Variants in MACROD2 observed in about 807,000 individuals in gnomAD.
The protein encoded by MACROD2 is ADP-ribose glycohydrolase MACROD2.
Under a neutral mutation model 70.4 loss-of-function variants are expected in MACROD2, and 36 were observed. The observed-to-expected ratio is 0.51, with a 90% confidence interval of 0.39 to 0.68. The LOEUF is 0.68. Among genes scored for constraint, MACROD2 ranks in the 30% least tolerant of loss-of-function variants. MACROD2 has a pLI of 0.00. For synonymous variants in MACROD2, 172 were observed against 178.8 expected, an observed-to-expected ratio of 0.96 and a Z score of 0.30; for missense variants, 496 against 538.4, an observed-to-expected ratio of 0.92 and a Z score of 0.78.
At chr20:14,161,043 C>T (rs189749891) in intron 3 of MACROD2, among the ~76,000 whole-genome samples, 8 of 152,174 alleles carry the variant, frequency 5.3e-5, no homozygotes, top group Admixed American at 2.0e-4. Context: ...TCTTTATGTT[C>T]GTGCATACCC....
intron 6 of MACROD2, among the ~76,000 whole-genome samples, chr20:15,295,934 T>C (rs576254303): frequency 2.0e-5 from 3 of 152,290 alleles, no homozygotes; most frequent in South Asian, 2.1e-4. Context: ...CACTGCCACA[T>C]TGGCATTATC....
intron 3 of MACROD2, among the ~76,000 whole-genome samples, chr20:14,310,714 AC>A (rs2122516555): frequency 6.6e-6 from 1 of 152,310 alleles, no homozygotes; most frequent in African/African-American, 2.4e-5. Flanking sequence ...ATAGGAGATG[AC>A]AGCTTCATGC....
intron 3 of MACROD2, among the ~76,000 whole-genome samples, chr20:14,404,553 T>G (rs2083672708): frequency 6.6e-6 from 1 of 151,688 alleles, no homozygotes; most frequent in South Asian, 2.1e-4. Context: ...ACAGAGATCA[T>G]GTCATTGCAC....
At chr20:15,641,171 G>A (rs963354553) in intron 8 of MACROD2, among the ~76,000 whole-genome samples, 6 of 152,186 alleles carry the variant, frequency 3.9e-5, no homozygotes, top group African/African-American at 1.4e-4. Context: ...CTTCAGTTGC[G>A]AATCAAGGTC....
At chr20:14,486,632 C>G (rs1034233059) in intron 3 of MACROD2, among the ~76,000 whole-genome samples, 2 of 149,572 alleles carry the variant, frequency 1.3e-5, no homozygotes, top group African/African-American at 4.9e-5. Flanking sequence ...CAATCTCATG[C>G]CTCAGCCTCC....
chr20:15,352,445 A>C (rs1052173548), intron 6 of MACROD2, among the ~76,000 whole-genome samples: 5 of 152,222 alleles, frequency 3.3e-5, no homozygotes, highest in East Asian at 1.9e-4. Flanking sequence ...CAAAATATCT[A>C]TATATATATT....
intron 3 of MACROD2, among the ~76,000 whole-genome samples, chr20:14,361,649 G>T (rs768300303): frequency 2.0e-5 from 3 of 152,116 alleles, no homozygotes; most frequent in Non-Finnish European, 2.9e-5. Flanking sequence ...CACTCCAATA[G>T]GTGGAAAGGG....
chr20:14,568,807 C>T lies in MACROD2; in HGVS notation c.301+75299C>T, dbSNP rs189930093. On this transcript the variant is annotated intron_variant, in intron 4 of 17. Coordinates refer to ENST00000684519, the MANE Select transcript of MACROD2 (RefSeq NM_001351661.2). ...AGTAACATACATTTTTCTACGTGAG[C>T]GACTTTTTCCTTAAATCTCTTTCTA... 8.6e-5 allele frequency among the ~76,000 whole-genome samples: 13 copies of T among 151,904 alleles called. No homozygotes were observed. In the East Asian group the frequency reaches 2.5e-3, roughly 29 times the overall value.
At chr20:15,596,757 G>A (rs2048751145) in intron 8 of MACROD2, among the ~76,000 whole-genome samples, 1 of 152,170 alleles carries the variant, frequency 6.6e-6, no homozygotes, top group African/African-American at 2.4e-5. Context: ...TGAGGCCGGA[G>A]CACTCCTCTT....
chr20:14,527,929 A>T (rs771522079), intron 4 of MACROD2, among the ~76,000 whole-genome samples: 1 of 152,204 alleles, frequency 6.6e-6, no homozygotes, highest in Admixed American at 6.5e-5. Context: ...AAATAAGCTG[A>T]GTAAAATAAG....
chr20:14,428,391 A>G (rs1600228391), intron 3 of MACROD2, among the ~76,000 whole-genome samples: 1 of 152,134 alleles, frequency 6.6e-6, no homozygotes, highest in South Asian at 2.1e-4. Flanking sequence ...TATTCAAGAG[A>G]ATCTTCTTAA....
chr20:14,115,229 A>T (rs954361812), intron 3 of MACROD2, among the ~76,000 whole-genome samples: 1 of 152,268 alleles, frequency 6.6e-6, no homozygotes, highest in South Asian at 2.1e-4. Context: ...TCCTTTTTTT[A>T]AAATGTTTTT....
chr20:14,435,269 T>TA (rs1464412093), intron 3 of MACROD2, among the ~76,000 whole-genome samples: 2 of 152,146 alleles, frequency 1.3e-5, no homozygotes, highest in Admixed American at 6.5e-5. Flanking sequence ...CACTCTTCTC[T>TA]ATGTCTCCTA....
At chr20:14,681,591 G>A (rs1292273577) in intron 4 of MACROD2, among the ~76,000 whole-genome samples, 2 of 152,128 alleles carry the variant, frequency 1.3e-5, no homozygotes, top group African/African-American at 2.4e-5. Flanking sequence ...GTGAGGGGAG[G>A]GGAAATTGAA....
intron 3 of MACROD2, among the ~76,000 whole-genome samples, chr20:14,257,010 C>T (rs927288590): frequency 6.6e-6 from 1 of 152,156 alleles, no homozygotes; most frequent in Non-Finnish European, 1.5e-5. Flanking sequence ...TGGTTCTATG[C>T]TTCTTAGTCC....
chr20:15,685,563 A>T (rs1416593015), intron 8 of MACROD2, among the ~76,000 whole-genome samples: 1 of 152,132 alleles, frequency 6.6e-6, no homozygotes, highest in African/African-American at 2.4e-5. Flanking sequence ...ACCTAGATTG[A>T]ATCTAGACAA....
chr20:14,538,195 G>A (rs1439470715), intron 4 of MACROD2, among the ~76,000 whole-genome samples: 2 of 152,158 alleles, frequency 1.3e-5, no homozygotes, highest in Admixed American at 1.3e-4. Context: ...CGTGGGAGGG[G>A]GTGGAGCATA....
chr20:14,326,369 G>C lies in MACROD2; in HGVS notation c.272-167110G>C. On this transcript the variant is annotated intron_variant, in intron 3 of 17. Coordinates refer to ENST00000684519, the MANE Select transcript of MACROD2 (RefSeq NM_001351661.2). The surrounding 1 kb of genome is among the most constrained non-coding windows in gnomAD (Gnocchi z 5.5). Reference sequence around the variant, plus strand: ...TGTTTGGTCACTGGAGCTGGCCACTGTCCTTGGGCAGGATACACTGTGTTG... The same window carrying C: ...TGTTTGGTCACTGGAGCTGGCCACTCTCCTTGGGCAGGATACACTGTGTTG... 6.2e-7 allele frequency: 1 copy of C among 1,613,926 alleles called. No individual in the cohort carries two copies. Among genetic ancestry groups the C allele is most frequent in the Non-Finnish European group, 8.5e-7 (1 of 1,179,876 alleles).
intron 8 of MACROD2, among the ~76,000 whole-genome samples, chr20:15,812,355 C>T (rs2063830006): frequency 6.6e-6 from 1 of 152,198 alleles, no homozygotes; most frequent in African/African-American, 2.4e-5. Flanking sequence ...ATAACTCATG[C>T]TCCATTGATC....
Sources: allele counts gnomAD v4.1 joint callset (sites outside exome capture counted in the v4.1 genomes callset), GRCh38; gene constraint gnomAD v4.1.1; non-coding constraint Gnocchi (gnomAD v3.1); transcripts MANE v1.5; gene names NCBI Gene and HGNC (gene_info 2026-07-23, HGNC 2026-07-21).